Variants in DAB2IP observed in about 807,000 individuals in gnomAD.
DAB2IP encodes disabled homolog 2-interacting protein.
Under a neutral mutation model 107.2 loss-of-function variants are expected in DAB2IP, and 28 were observed. That is an observed-to-expected ratio of 0.26 (90% CI 0.19 to 0.36). The LOEUF (loss-of-function observed/expected upper bound fraction) is 0.36. DAB2IP is among the 10% of genes least tolerant of loss of function. The pLI is 1.00. For missense variants in DAB2IP, 1,400 were observed against 1,644.7 expected (o/e 0.85, Z 2.57); for synonymous variants, 755 against 706.4 (o/e 1.07, Z -1.09).
At chr9:121,773,102 C>G in exon 12 of DAB2IP, 2 of 1,612,512 alleles carry the variant, frequency 1.2e-6, no homozygotes, top group Non-Finnish European at 1.7e-6. Flanking sequence ...GCTCCCTGAG[C>G]TCACACAGCA....
At chr9:121,580,491 C>G (rs541489830) in intron 1 of DAB2IP, among the ~76,000 whole-genome samples, 2 of 152,236 alleles carry the variant, frequency 1.3e-5, no homozygotes, top group East Asian at 3.9e-4. Flanking sequence ...CTGGGCAACA[C>G]AGGGAGAGCC....
At chr9:121,654,058 C>T (rs1325944764) in intron 1 of DAB2IP, among the ~76,000 whole-genome samples, 1 of 152,192 alleles carries the variant, frequency 6.6e-6, no homozygotes, top group Non-Finnish European at 1.5e-5. Flanking sequence ...CAGCCAGTTA[C>T]CTCTCCAAGC....
At chr9:121,705,343 ATTGAG>A (rs1205638621) in intron 3 of DAB2IP, among the ~76,000 whole-genome samples, 1 of 152,192 alleles carries the variant, frequency 6.6e-6, no homozygotes, top group African/African-American at 2.4e-5. Flanking sequence ...TGTGCATTTA[ATTGAG>A]TTAATACAGG....
chr9:121,717,440 C>T (rs1176094862), intron 3 of DAB2IP, among the ~76,000 whole-genome samples: 2 of 152,260 alleles, frequency 1.3e-5, no homozygotes, highest in African/African-American at 2.4e-5. Context: ...AACTATTTAA[C>T]GCGCTTGCTG....
chr9:121,661,426 C>A (rs1466368022), intron 1 of DAB2IP, among the ~76,000 whole-genome samples: 6 of 152,098 alleles, frequency 3.9e-5, no homozygotes, highest in Non-Finnish European at 4.4e-5. Flanking sequence ...GGGTAAGTGT[C>A]TCTCCCCATC....
chr9:121,592,662 G>C (rs1015651159), intron 1 of DAB2IP, among the ~76,000 whole-genome samples: 22 of 152,214 alleles, frequency 1.4e-4, no homozygotes, highest in Admixed American at 7.9e-4. Context: ...TCTAGAGTCT[G>C]AACCATAAGC....
chr9:121,723,908 C>T (rs964641752), intron 3 of DAB2IP, among the ~76,000 whole-genome samples: 1 of 152,102 alleles, frequency 6.6e-6, no homozygotes, highest in African/African-American at 2.4e-5. Flanking sequence ...CATCATCAGT[C>T]AAATGGGGCA....
Position 121,782,872 on chromosome 9 carries a change from C to T in DAB2IP, c.*374C>T. 1 of 1,049,382 alleles carries T rather than the reference C, an allele frequency of 9.5e-7. No homozygotes were observed. Among genetic ancestry groups the T allele is most frequent in the Non-Finnish European group, 1.1e-6 (1 of 870,690 alleles). The allele number at this position is 1,049,382 out of a possible 1,614,324, so 65.0% of individuals were successfully genotyped here. ...CCCCACACCTGTGCCAGGGAGGGGG[C>T]TTCCTGGAGGGGGGATTCAAGGGCT... On this transcript the variant is annotated 3_prime_UTR_variant, in exon 16 of 16. Transcript: ENST00000408936. The surrounding 1 kb of genome is among the most constrained non-coding windows in gnomAD (Gnocchi z 6.1).
At chr9:121,628,865 C>T (rs890486613) in intron 1 of DAB2IP, among the ~76,000 whole-genome samples, 1 of 152,190 alleles carries the variant, frequency 6.6e-6, no homozygotes, top group African/African-American at 2.4e-5. Context: ...CAGTCACTTA[C>T]CCTCTCTGAG....
intron 1 of DAB2IP, among the ~76,000 whole-genome samples, chr9:121,571,274 C>T (rs1044513954): frequency 4.6e-5 from 7 of 152,110 alleles, no homozygotes; most frequent in African/African-American, 9.7e-5. Context: ...CTGCATCTCC[C>T]GTGAGTCTCT....
exon 10 of DAB2IP, chr9:121,768,578 G>T (rs774832244): frequency 5.0e-6 from 8 of 1,614,014 alleles, no homozygotes; most frequent in Non-Finnish European, 6.8e-6. Flanking sequence ...GACCTGGGCC[G>T]CGAGCTCTCC....
intron 1 of DAB2IP, among the ~76,000 whole-genome samples, chr9:121,659,569 G>A (rs750664058): frequency 8.5e-5 from 13 of 152,090 alleles, no homozygotes; most frequent in Non-Finnish European, 1.8e-4. Flanking sequence ...CGAGGTGGGC[G>A]GATCACGAGG....
intron 3 of DAB2IP, among the ~76,000 whole-genome samples, chr9:121,744,882 G>GAT (rs1832614603): frequency 6.6e-6 from 1 of 152,202 alleles, no homozygotes; most frequent in Non-Finnish European, 1.5e-5. Context: ...GGCGTAGACG[G>GAT]ATAGGCTGCT....
chr9:121,716,683 T>C (rs528174163), intron 3 of DAB2IP, among the ~76,000 whole-genome samples: 34 of 152,180 alleles, frequency 2.2e-4, no homozygotes, highest in South Asian at 2.1e-3. Flanking sequence ...GTGTTCTGCT[T>C]TCTGCTCTTG....
chr9:121,612,390 T>C (rs1831127104), intron 1 of DAB2IP, among the ~76,000 whole-genome samples: 1 of 152,168 alleles, frequency 6.6e-6, no homozygotes, highest in Non-Finnish European at 1.5e-5. Context: ...GGTCTCAAAT[T>C]GGCCAAAAAA....
intron 10 of DAB2IP, among the ~76,000 whole-genome samples, chr9:121,769,358 C>T (rs972352974): frequency 1.3e-5 from 2 of 151,918 alleles, no homozygotes; most frequent in East Asian, 1.9e-4. Flanking sequence ...CATGTGTAAG[C>T]GCACACACAC....
At chr9:121,769,053 A>T (rs1393090852) in intron 10 of DAB2IP, among the ~76,000 whole-genome samples, 1 of 152,084 alleles carries the variant, frequency 6.6e-6, no homozygotes, top group African/African-American at 2.4e-5. Flanking sequence ...TGACAAGGTT[A>T]CTCCCTAGAC....
intron 3 of DAB2IP, among the ~76,000 whole-genome samples, chr9:121,743,817 C>A (rs1197801427): frequency 6.6e-6 from 1 of 152,214 alleles, no homozygotes; most frequent in Non-Finnish European, 1.5e-5. Flanking sequence ...CGGCAGCAGA[C>A]ACCCTCAGTG....
chr9:121,629,904 T>C (rs1448632675), intron 1 of DAB2IP, among the ~76,000 whole-genome samples: 2 of 152,162 alleles, frequency 1.3e-5, no homozygotes, highest in Non-Finnish European at 2.9e-5. Context: ...TAACCAGGGC[T>C]TCCGGGACCC....
Sources: gnomAD v4.1 joint callset for allele counts (sites outside exome capture counted in the v4.1 genomes callset) on GRCh38, gnomAD v4.1.1 for gene constraint, Gnocchi (gnomAD v3.1) non-coding constraint, MANE v1.5 for transcripts, NCBI Gene and HGNC (gene_info 2026-07-23, HGNC 2026-07-21) for gene names.